THUMPD2: variants seen among roughly 807,000 people sequenced by gnomAD.
The protein encoded by THUMPD2 is U6 snRNA (guanine-N(2))-methyltransferase THUMPD2.
Under a neutral mutation model 49.4 loss-of-function variants are expected in THUMPD2, and 56 were observed. The ratio of observed to expected loss-of-function variants is 1.13; its 90% CI spans 0.91 to 1.41. THUMPD2 has a LOEUF of 1.41. Ranked by LOEUF, THUMPD2 falls within the 40% of genes most tolerant of loss-of-function variation. The pLI, the probability that THUMPD2 is intolerant of heterozygous loss-of-function variation, is 0.00. For synonymous variants in THUMPD2, 237 were observed against 205.2 expected, an observed-to-expected ratio of 1.15 and a Z score of -1.32; for missense variants, 709 against 594.5, an observed-to-expected ratio of 1.19 and a Z score of -2.00.
intron 8 of THUMPD2, among the ~76,000 whole-genome samples, chr2:39,748,143 G>A (rs1674856497): frequency 6.6e-6 from 1 of 152,112 alleles, no homozygotes; most frequent in Non-Finnish European, 1.5e-5. Context: ...ATGTATTTTG[G>A]CACTTCATTT....
At chr2:39,746,451 C>G (rs1674607297) in intron 8 of THUMPD2, among the ~76,000 whole-genome samples, 1 of 152,154 alleles carries the variant, frequency 6.6e-6, no homozygotes, top group Admixed American at 6.5e-5. Context: ...ACTCCTAGAA[C>G]CATGAGCACC....
At chr2:39,768,571 T>G in intron 3 of THUMPD2, 70 bp from the exon 4 acceptor site, 1 of 1,228,606 alleles carries the variant, frequency 8.1e-7, no homozygotes, top group South Asian at 1.3e-5. Flanking sequence ...TCAGCAAAAC[T>G]AACAGAGTAG....
chr2:39,753,483 A>C (rs920893917), intron 8 of THUMPD2, among the ~76,000 whole-genome samples: 4 of 152,088 alleles, frequency 2.6e-5, no homozygotes. Context: ...CATGAAACTA[A>C]ATGTTCTCTA....
chr2:39,765,087 G>A (rs1325340495), intron 5 of THUMPD2, among the ~76,000 whole-genome samples: 1 of 152,082 alleles, frequency 6.6e-6, no homozygotes, highest in Non-Finnish European at 1.5e-5. Flanking sequence ...ATTTAAAAAT[G>A]AGTTATTTTA....
chr2:39,746,418 T>TCCCCCCC (rs1318854494), intron 8 of THUMPD2, among the ~76,000 whole-genome samples: 1 of 152,142 alleles, frequency 6.6e-6, no homozygotes, highest in African/African-American at 2.4e-5. Context: ...GTTGTCCCCA[T>TCCCCCCC]CTCCGTAGGT....
intron 1 of THUMPD2, 117 bp downstream of exon 1, chr2:39,778,997 C>G (rs1572906970): frequency 7.8e-7 from 1 of 1,278,696 alleles, no homozygotes; most frequent in South Asian, 2.0e-5. Flanking sequence ...GGTCGGCGAC[C>G]GTCGCGTGGA....
intron 6 of THUMPD2, 93 bp downstream of exon 6, chr2:39,761,238 A>G: frequency 1.8e-6 from 2 of 1,128,254 alleles, no homozygotes; most frequent in Non-Finnish European, 2.6e-6. Context: ...GAAAAGAAAA[A>G]GCAAGTAACA....
At chr2:39,761,515 T>C (rs1340780292) in intron 5 of THUMPD2, 97 bp from the exon 6 acceptor site, 4 of 1,142,884 alleles carry the variant, frequency 3.5e-6, no homozygotes, top group Non-Finnish European at 5.2e-6. Flanking sequence ...TTTAAACATA[T>C]TCATCCAACA....
chr2:39,757,609 C>G (rs192688675), intron 6 of THUMPD2, among the ~76,000 whole-genome samples: 2 of 152,156 alleles, frequency 1.3e-5, no homozygotes, highest in Non-Finnish European at 2.9e-5. Flanking sequence ...ATAATCTGAC[C>G]TGAAGTATCT....
intron 9 of THUMPD2, 73 bp downstream of exon 9, chr2:39,744,297 T>C: frequency 3.8e-6 from 3 of 798,714 alleles, no homozygotes; most frequent in Non-Finnish European, 5.7e-6. Flanking sequence ...AGACCTTAAC[T>C]GAAGAGCTAT....
rs1336824912 is a variant in THUMPD2, at chr2:39,737,062, G to A, written c.1188-3C>T. On this transcript the variant is annotated splice_region_variant and splice_polypyrimidine_tract_variant and intron_variant, in intron 9 of 9. Coordinates refer to ENST00000505747, the MANE Select transcript of THUMPD2 (RefSeq NM_025264.5). ...TGGTTCCGCCAACATGAAGCACTCT[G>A]TGACAAAAAAAAAATGGTAATTGCT... 6.3e-7 allele frequency: 1 copy of A among 1,576,404 alleles called. No homozygotes were observed. The highest frequency in any genetic ancestry group is 8.6e-7 in the Non-Finnish European group (1 of 1,161,190).
rs570903326 is a variant in THUMPD2, at chr2:39,753,939, C to A, written c.1078+1356G>T. ...TAAGATTTATGCAGTTACCTGGTAC[C>A]ACAGAGAACCTTTAAAAAGCACACA... is the stretch of plus-strand genomic sequence containing the variant. On this transcript the variant is annotated intron_variant, in intron 8 of 9. Transcript: ENST00000505747. 2.6e-5 allele frequency among the ~76,000 whole-genome samples: 4 copies of A among 152,190 alleles called. No homozygotes were observed. The East Asian group carries it at 7.7e-4, about 29-fold the overall frequency.
chr2:39,757,332 A>G (rs1197672051), intron 6 of THUMPD2: 1 of 1,185,046 alleles, frequency 8.4e-7, no homozygotes. Flanking sequence ...CAGAGTCCTC[A>G]GTGCACAGCC....
At chr2:39,752,382 T>G (rs1236207145) in intron 8 of THUMPD2, among the ~76,000 whole-genome samples, 3 of 152,234 alleles carry the variant, frequency 2.0e-5, no homozygotes, top group Non-Finnish European at 4.4e-5. Flanking sequence ...TTAAAGTCGG[T>G]AAGTGTTCTT....
chr2:39,738,598 T>TAAA (rs56721088), intron 9 of THUMPD2, among the ~76,000 whole-genome samples: 12,188 of 146,310 alleles, frequency 0.083, 1,729 homozygotes, highest in African/African-American at 0.29. Context: ...CATACATATG[T>TAAA]AAAAATATAT....
At chr2:39,753,338 C>G (rs550926208) in intron 8 of THUMPD2, among the ~76,000 whole-genome samples, 1 of 152,250 alleles carries the variant, frequency 6.6e-6, no homozygotes, top group African/African-American at 2.4e-5. Context: ...TATCTTTCTT[C>G]CCCGGATTTT....
intron 8 of THUMPD2, among the ~76,000 whole-genome samples, chr2:39,747,144 G>A (rs1674709573): frequency 6.6e-6 from 1 of 152,172 alleles, no homozygotes; most frequent in South Asian, 2.1e-4. Flanking sequence ...GTTTTGGTTA[G>A]GCATAATATT....
chr2:39,755,939 G>T lies in THUMPD2; in HGVS notation c.913C>A (p.Pro305Thr). The change falls in exon 7 of 10, where the codon CCA (proline) becomes ACA (threonine). Residue 305 changes from proline to threonine, a missense_variant. Pro to Thr is a conservative substitution (Grantham distance 38). Transcript: ENST00000505747. ...DIKAGAFVLD[P>T]MCGLGTILLE... The stretch of plus-strand genomic sequence containing the variant: ...AGTATTGTTCCAAGTCCACACATTG[G>T]ATCTAAAACAAATGCACCAGCCTGC... The T allele has an allele frequency of 1.2e-6, 2 of 1,613,680 alleles. No individual in the cohort carries two copies. Among genetic ancestry groups the T allele is most frequent in the African/African-American group, 1.3e-5 (1 of 74,986 alleles).
intron 1 of THUMPD2, 52 bp from the exon 2 acceptor site, chr2:39,771,692 A>C: frequency 6.5e-7 from 1 of 1,539,836 alleles, no homozygotes; most frequent in South Asian, 1.2e-5. Flanking sequence ...TGAAAAAACC[A>C]TATTTTTTCC....
Sources: allele counts gnomAD v4.1 joint callset (sites outside exome capture counted in the v4.1 genomes callset), GRCh38; gene constraint gnomAD v4.1.1; transcripts MANE v1.5; gene names NCBI Gene and HGNC (gene_info 2026-07-23, HGNC 2026-07-21).